The following FBXL7 variants were observed in gnomAD, a reference collection of about 807,000 sequenced individuals.
The protein encoded by FBXL7 is F-box/LRR-repeat protein 7.
A neutral mutation model predicts 38.3 loss-of-function variants in FBXL7; 12 were observed. That is an observed-to-expected ratio of 0.31 (90% CI 0.20 to 0.51). FBXL7 has a LOEUF of 0.51. Ranked by LOEUF, FBXL7 falls within the 20% of genes least tolerant of loss-of-function variation. FBXL7 has a pLI of 0.98. For missense variants in FBXL7, 567 were observed against 676.4 expected (o/e 0.84, Z 1.79); for synonymous variants, 297 against 300.9 (o/e 0.99, Z 0.13).
intron 2 of FBXL7, among the ~76,000 whole-genome samples, chr5:15,693,158 C>T (rs1743231351): frequency 6.6e-6 from 1 of 152,138 alleles, no homozygotes; most frequent in Non-Finnish European, 1.5e-5. Context: ...ACTGCCTTCT[C>T]ATGGGGTCTT....
chr5:15,806,576 G>A (rs886936444), intron 2 of FBXL7, among the ~76,000 whole-genome samples: 1 of 152,128 alleles, frequency 6.6e-6, no homozygotes, highest in South Asian at 2.1e-4. Flanking sequence ...TCCACACTGG[G>A]GCACGGTGTA....
At chr5:15,681,861 A>G (rs1033321941) in intron 2 of FBXL7, among the ~76,000 whole-genome samples, 2 of 152,140 alleles carry the variant, frequency 1.3e-5, no homozygotes, top group Non-Finnish European at 2.9e-5. Context: ...ATGGAATTTT[A>G]TTTTTTGAAG....
chr5:15,797,993 A>G (rs1311789355), intron 2 of FBXL7, among the ~76,000 whole-genome samples: 2 of 152,036 alleles, frequency 1.3e-5, no homozygotes, highest in Admixed American at 6.6e-5. Context: ...GTTCCTCCCT[A>G]TTTCTCCATT....
intron 2 of FBXL7, among the ~76,000 whole-genome samples, chr5:15,648,556 A>G (rs1313406724): frequency 6.6e-6 from 1 of 152,236 alleles, no homozygotes; most frequent in East Asian, 1.9e-4. Context: ...CCAGTTGAAC[A>G]GTTCAATATT....
At chr5:15,865,787 C>T (rs529539935) in intron 2 of FBXL7, among the ~76,000 whole-genome samples, 35 of 152,250 alleles carry the variant, frequency 2.3e-4, no homozygotes, top group African/African-American at 8.2e-4. Flanking sequence ...TTCCTTTCAA[C>T]TCACTTTTAC....
chr5:15,688,141 G>GCATTA (rs1345925045), intron 2 of FBXL7, among the ~76,000 whole-genome samples: 4 of 152,004 alleles, frequency 2.6e-5, no homozygotes, highest in Admixed American at 1.3e-4. Flanking sequence ...TTTACACAAG[G>GCATTA]CATTATATGA....
At chr5:15,570,986 G>A (rs777018994) in intron 1 of FBXL7, among the ~76,000 whole-genome samples, 2 of 151,708 alleles carry the variant, frequency 1.3e-5, no homozygotes, top group African/African-American at 4.8e-5. Flanking sequence ...CAGCTACTCC[G>A]GAGGCTGAGG....
At chr5:15,626,073 G>T (rs576574970) in intron 2 of FBXL7, among the ~76,000 whole-genome samples, 1 of 152,050 alleles carries the variant, frequency 6.6e-6, no homozygotes, top group Non-Finnish European at 1.5e-5. Context: ...GTTTGTTTTC[G>T]TCTTTAAAAA....
intron 2 of FBXL7, among the ~76,000 whole-genome samples, chr5:15,832,431 C>T (rs771106721): frequency 6.6e-5 from 10 of 152,100 alleles, no homozygotes; most frequent in South Asian, 2.1e-4. Context: ...GTCAGACCTC[C>T]GTGTGAAGTT....
intron 2 of FBXL7, among the ~76,000 whole-genome samples, chr5:15,879,706 G>A (rs560981555): frequency 5.9e-4 from 90 of 152,198 alleles, no homozygotes; most frequent in African/African-American, 2.1e-3. Flanking sequence ...TCTTCAGCTC[G>A]ATTTCAGATC....
At chr5:15,568,434 TG>T (rs1738658669) in intron 1 of FBXL7, among the ~76,000 whole-genome samples, 1 of 152,160 alleles carries the variant, frequency 6.6e-6, no homozygotes, top group Non-Finnish European at 1.5e-5. Flanking sequence ...CACTTTTTGA[TG>T]GGGTTTTTTT....
intron 2 of FBXL7, among the ~76,000 whole-genome samples, chr5:15,870,111 A>G (rs1025249018): frequency 5.9e-5 from 9 of 152,078 alleles, no homozygotes; most frequent in African/African-American, 2.2e-4. Context: ...CCCTCTGTCA[A>G]TAATAACAAT....
chr5:15,615,225 G>A (rs1270543347), intron 1 of FBXL7, among the ~76,000 whole-genome samples: 1 of 152,176 alleles, frequency 6.6e-6, no homozygotes, highest in Non-Finnish European at 1.5e-5. Context: ...ACTCAGCCTT[G>A]AGCTAAGATT....
chr5:15,690,945 A>G (rs1472121101), intron 2 of FBXL7, among the ~76,000 whole-genome samples: 1 of 152,222 alleles, frequency 6.6e-6, no homozygotes, highest in African/African-American at 2.4e-5. Context: ...GAGTGTTATC[A>G]GTTTTTGAGG....
At chr5:15,501,607 T>G in intron 1 of FBXL7, 2 of 985,432 alleles carry the variant, frequency 2.0e-6, no homozygotes, top group Non-Finnish European at 2.4e-6. Context: ...GGACAGTTGG[T>G]TACAAAGGAG....
intron 2 of FBXL7, among the ~76,000 whole-genome samples, chr5:15,875,512 A>G (rs1740162132): frequency 6.6e-6 from 1 of 152,222 alleles, no homozygotes; most frequent in Non-Finnish European, 1.5e-5. Context: ...CATCTGACAA[A>G]GAGCTAATAC....
In FBXL7 at chr5:15,789,133, A is replaced by G. The variant is rs1433568892; in HGVS notation, c.128-138757A>G. Among the ~76,000 whole-genome samples, 3 of 152,090 alleles carry G rather than the reference A, an allele frequency of 2.0e-5. No individual in the cohort carries two copies. The South Asian group carries it at 6.2e-4, about 32-fold the overall frequency. ...CCAAAGTGCTGGGATTACAAGAATG[A>G]GCCACCATGCCCAGCCAATGGCACC... On this transcript the variant is annotated intron_variant, in intron 2 of 3. Transcript: ENST00000504595.
chr5:15,782,848 T>A (rs988365322), intron 2 of FBXL7, among the ~76,000 whole-genome samples: 1 of 152,130 alleles, frequency 6.6e-6, no homozygotes, highest in Non-Finnish European at 1.5e-5. Context: ...GGGTGGGAGA[T>A]GTTTGAGGAG....
At chr5:15,560,183 G>A (rs952899217) in intron 1 of FBXL7, among the ~76,000 whole-genome samples, 1 of 152,130 alleles carries the variant, frequency 6.6e-6, no homozygotes, top group African/African-American at 2.4e-5. Context: ...GTTATAGGCA[G>A]TTGATCCTTA....
Sources: gnomAD v4.1 joint callset for allele counts (sites outside exome capture counted in the v4.1 genomes callset) on GRCh38, gnomAD v4.1.1 for gene constraint, MANE v1.5 for transcripts, NCBI Gene and HGNC (gene_info 2026-07-23, HGNC 2026-07-21) for gene names.